PACRG: variants seen among roughly 807,000 people sequenced by gnomAD.
PACRG encodes parkin coregulated gene protein.
Under a neutral mutation model 29.7 loss-of-function variants are expected in PACRG, and 29 were observed. The ratio of observed to expected loss-of-function variants is 0.98; its 90% CI spans 0.73 to 1.33. The LOEUF (loss-of-function observed/expected upper bound fraction) is 1.33. Ranked by LOEUF, PACRG falls within the 40% of genes most tolerant of loss-of-function variation. The pLI, the probability that PACRG is intolerant of heterozygous loss-of-function variation, is 0.00. For missense variants in PACRG, 279 were observed against 316.2 expected (o/e 0.88, Z 0.89); for synonymous variants, 116 against 118.7 (o/e 0.98, Z 0.15).
At chr6:163,254,781 G>A (rs952922682) in intron 4 of PACRG, among the ~76,000 whole-genome samples, 1 of 152,160 alleles carries the variant, frequency 6.6e-6, no homozygotes, top group South Asian at 2.1e-4. Flanking sequence ...CACCCCATAG[G>A]CCAGCAGGAT....
At chr6:163,191,130 A>C (rs1780191354) in intron 4 of PACRG, 1 of 347,032 alleles carries the variant, frequency 2.9e-6, no homozygotes, top group Non-Finnish European at 5.6e-6. Flanking sequence ...CCCTTAGTCC[A>C]GGAGAACAGC....
intron 3 of PACRG, among the ~76,000 whole-genome samples, chr6:163,078,354 T>G (rs1363606761): frequency 6.6e-6 from 1 of 152,022 alleles, no homozygotes; most frequent in Non-Finnish European, 1.5e-5. Flanking sequence ...GATACAAAAA[T>G]TAGCCAGGCA....
chr6:162,976,017 G>GA lies in PACRG; in HGVS notation c.292-86130dup, dbSNP rs541888095. On this transcript the variant is annotated intron_variant, in intron 2 of 4. Coordinates refer to ENST00000366888, the MANE Select transcript of PACRG (RefSeq NM_001080379.2). ...TGAGACGGGATTTGAGACAAGAGCA[G>GA]AAATTCATGGAGGTGGGCAGGGCAG... 2.4e-4 allele frequency among the ~76,000 whole-genome samples: 37 copies of GA among 152,292 alleles called. 1 individual carries two copies. In the South Asian group the frequency reaches 3.9e-3, roughly 16 times the overall value.
In PACRG at chr6:162,742,479, A is replaced by G. The variant is rs139096971; in HGVS notation, c.156+14088A>G. 6.4e-3 allele frequency among the ~76,000 whole-genome samples: 974 copies of G among 152,300 alleles called. 6 individuals are homozygous for G. Among genetic ancestry groups the G allele is most frequent in the Middle Eastern group, 0.024 (7 of 294 alleles). The stretch of plus-strand genomic sequence containing the variant: ...TCTCAGGTATGTCTTTATTACCAAT[A>G]GGAGAATGGACTAATACAACATGTA... On this transcript the variant is annotated intron_variant, in intron 1 of 4. Transcript: ENST00000366888.
At chr6:163,003,941 T>G (rs2128202437) in intron 2 of PACRG, among the ~76,000 whole-genome samples, 2 of 152,324 alleles carry the variant, frequency 1.3e-5, no homozygotes, top group South Asian at 4.1e-4. Flanking sequence ...TTGATCGCAC[T>G]ATGCATGCTC....
At chr6:162,917,170 G>A (rs2128087853) in intron 2 of PACRG, among the ~76,000 whole-genome samples, 1 of 152,220 alleles carries the variant, frequency 6.6e-6, no homozygotes, top group Non-Finnish European at 1.5e-5. Context: ...CTGTCTTAGA[G>A]TCTTCTTTGG....
chr6:162,868,425 A>C (rs1792490306), intron 2 of PACRG, among the ~76,000 whole-genome samples: 1 of 152,232 alleles, frequency 6.6e-6, no homozygotes, highest in South Asian at 2.1e-4. Context: ...AGTGCTGGGT[A>C]GACTGGGAGC....
At chr6:162,914,508 G>GTT (rs3028611) in intron 2 of PACRG, among the ~76,000 whole-genome samples, 9 of 95,094 alleles carry the variant, frequency 9.5e-5, no homozygotes, top group South Asian at 3.7e-4. Context: ...GTACTTTTTT[G>GTT]TTTTTTTTTT....
chr6:162,994,254 C>T (rs368018675), intron 2 of PACRG, among the ~76,000 whole-genome samples: 4 of 145,138 alleles, frequency 2.8e-5, no homozygotes, highest in South Asian at 4.4e-4. Flanking sequence ...ATCTTTGTGG[C>T]GTTCTCTGTA....
intron 1 of PACRG, among the ~76,000 whole-genome samples, chr6:162,737,210 C>G (rs948777060): frequency 1.3e-5 from 2 of 152,176 alleles, no homozygotes; most frequent in Non-Finnish European, 2.9e-5. Context: ...TGCTGTCTAC[C>G]TCCTCATCTG....
At chr6:163,060,398 T>C (rs1810994985) in intron 2 of PACRG, among the ~76,000 whole-genome samples, 1 of 152,134 alleles carries the variant, frequency 6.6e-6, no homozygotes, top group African/African-American at 2.4e-5. Context: ...AATAATTATT[T>C]CAAATTGTAC....
intron 2 of PACRG, among the ~76,000 whole-genome samples, chr6:162,975,382 A>ATTGC (rs1801864095): frequency 6.6e-6 from 1 of 152,240 alleles, no homozygotes; most frequent in Non-Finnish European, 1.5e-5. Flanking sequence ...CTTAAAATAC[A>ATTGC]AGATAGTATT....
At chr6:162,807,050 C>T (rs1786405753) in intron 1 of PACRG, among the ~76,000 whole-genome samples, 1 of 152,222 alleles carries the variant, frequency 6.6e-6, no homozygotes, top group South Asian at 2.1e-4. Context: ...TCTTTCCATA[C>T]ATCTCACAAA....
At position 162,736,494 on chromosome 6, in the gene PACRG, A is replaced by G. The variant is rs186031008; in HGVS notation, c.156+8103A>G. Among the ~76,000 whole-genome samples the G allele has an allele frequency of 1.1e-3, 163 of 152,314 alleles. 1 individual carries two copies. The highest frequency in any genetic ancestry group is 6.8e-3 in the Middle Eastern group (2 of 294). Reference sequence around the variant, plus strand: ...AAAATGTGTAATATGATAAGAGCACAGAGCTGAACGACCTGAGAGGGTCTG... The same window carrying G: ...AAAATGTGTAATATGATAAGAGCACGGAGCTGAACGACCTGAGAGGGTCTG... On this transcript the variant is annotated intron_variant, in intron 1 of 4. Coordinates refer to ENST00000366888, the MANE Select transcript of PACRG (RefSeq NM_001080379.2).
chr6:162,863,242 C>A (rs1397326714), intron 2 of PACRG, among the ~76,000 whole-genome samples: 1 of 152,210 alleles, frequency 6.6e-6, no homozygotes, highest in Non-Finnish European at 1.5e-5. Context: ...CAAGTTACTA[C>A]GTGAATAAAC....
At chr6:162,880,043 G>T (rs1160504206) in intron 2 of PACRG, among the ~76,000 whole-genome samples, 2 of 152,168 alleles carry the variant, frequency 1.3e-5, no homozygotes, top group Admixed American at 6.5e-5. Context: ...ACCAGAGAGA[G>T]GCTGAGCACA....
intron 2 of PACRG, among the ~76,000 whole-genome samples, chr6:162,902,012 G>A (rs1259919311): frequency 6.6e-6 from 1 of 152,200 alleles, no homozygotes; most frequent in Non-Finnish European, 1.5e-5. Flanking sequence ...TGTGGCCTGT[G>A]TGTGTCCATG....
At chr6:163,060,471 A>G (rs927954804) in intron 2 of PACRG, among the ~76,000 whole-genome samples, 7 of 152,212 alleles carry the variant, frequency 4.6e-5, no homozygotes, top group Admixed American at 4.6e-4. Flanking sequence ...ATATTCCATA[A>G]ATGTATGCTG....
chr6:162,752,966 T>C (rs1781623304), intron 1 of PACRG, among the ~76,000 whole-genome samples: 1 of 152,156 alleles, frequency 6.6e-6, no homozygotes, highest in Non-Finnish European at 1.5e-5. Context: ...TTAAAACTTA[T>C]TAATGTTATT....
Sources: allele counts gnomAD v4.1 joint callset (sites outside exome capture counted in the v4.1 genomes callset), GRCh38; gene constraint gnomAD v4.1.1; transcripts MANE v1.5; gene names NCBI Gene and HGNC (gene_info 2026-07-23, HGNC 2026-07-21).